Variants in CDH12 observed in about 807,000 individuals in gnomAD.
CDH12 encodes cadherin 12.
CDH12 carries 41 observed loss-of-function variants against 74.1 expected under a neutral mutation model. The observed-to-expected ratio is 0.55, with a 90% CI of 0.43 to 0.72. The LOEUF (loss-of-function observed/expected upper bound fraction) is 0.72, where lower values mean the gene tolerates loss of function less well. Among genes scored for constraint, CDH12 ranks in the 30% least tolerant of loss-of-function variants. The pLI, the probability that CDH12 is intolerant of heterozygous loss-of-function variation, is 0.00. For missense variants in CDH12, 945 were observed against 977.2 expected (o/e 0.97, Z 0.44); for synonymous variants, 399 against 355.0 (o/e 1.12, Z -1.39).
chr5:22,147,402 G>T (rs1354226358), intron 4 of CDH12, among the ~76,000 whole-genome samples: 6 of 152,056 alleles, frequency 3.9e-5, no homozygotes, highest in Admixed American at 3.9e-4. Context: ...GGAGTTGACA[G>T]AAGTCACATT....
chr5:22,612,007 T>C (rs1171687136), intron 1 of CDH12, among the ~76,000 whole-genome samples: 3 of 152,174 alleles, frequency 2.0e-5, no homozygotes, highest in African/African-American at 7.2e-5. Context: ...GAATTCTGAA[T>C]GGAATTCGGG....
chr5:22,251,760 C>G (rs142358620), intron 3 of CDH12, among the ~76,000 whole-genome samples: 52 of 152,130 alleles, frequency 3.4e-4, no homozygotes, highest in African/African-American at 1.1e-3. Flanking sequence ...TGGAATTCCT[C>G]TACAATAGAA....
chr5:22,351,018 T>G (rs915608229), intron 3 of CDH12, among the ~76,000 whole-genome samples: 1 of 152,082 alleles, frequency 6.6e-6, no homozygotes, highest in Non-Finnish European at 1.5e-5. Flanking sequence ...CTGAAGATAA[T>G]GGAATTCAGG....
intron 1 of CDH12, among the ~76,000 whole-genome samples, chr5:22,702,371 T>C (rs920598678): frequency 2.0e-5 from 3 of 152,128 alleles, no homozygotes; most frequent in South Asian, 2.1e-4. Context: ...ATTCTGATAA[T>C]CTCTCACCAA....
chr5:22,543,455 A>C (rs764537605), intron 1 of CDH12, among the ~76,000 whole-genome samples: 8 of 152,128 alleles, frequency 5.3e-5, no homozygotes, highest in Non-Finnish European at 1.2e-4. Context: ...TTAAAATATC[A>C]TTTACTCTAA....
At chr5:21,962,378 C>T (rs1037176206) in intron 6 of CDH12, among the ~76,000 whole-genome samples, 1 of 152,106 alleles carries the variant, frequency 6.6e-6, no homozygotes, top group Non-Finnish European at 1.5e-5. Flanking sequence ...GCCAGTGACT[C>T]TTTCATTGTA....
intron 5 of CDH12, among the ~76,000 whole-genome samples, chr5:22,010,149 A>C (rs1487417954): frequency 6.6e-6 from 1 of 152,112 alleles, no homozygotes; most frequent in African/African-American, 2.4e-5. Context: ...TTGATGAACT[A>C]TTGCTTTACC....
At chr5:22,138,077 G>T (rs2150294263) in intron 4 of CDH12, among the ~76,000 whole-genome samples, 1 of 152,114 alleles carries the variant, frequency 6.6e-6, no homozygotes, top group East Asian at 1.9e-4. Flanking sequence ...TAGAGCTAGA[G>T]CTATTTCACA....
chr5:22,718,107 A>G lies in CDH12; in HGVS notation c.-523+134951T>C, dbSNP rs148155566. ...TATTAAATACACATTCATTGTGAAA[A>G]TTACTCAAATTCATCAAATGCTCAA... On this transcript the variant is annotated intron_variant, in intron 1 of 14. Transcript: ENST00000382254. Among the ~76,000 whole-genome samples, 30 of 152,366 alleles carry G rather than the reference A, an allele frequency of 2.0e-4. 1 individual carries two copies. In the East Asian group the frequency reaches 5.6e-3, roughly 28 times the overall value.
chr5:22,360,343 A>C (rs1740746334), intron 3 of CDH12, among the ~76,000 whole-genome samples: 1 of 152,194 alleles, frequency 6.6e-6, no homozygotes, highest in Non-Finnish European at 1.5e-5. Flanking sequence ...GAAATGGATA[A>C]ATTCCTCCAC....
Position 22,508,069 on chromosome 5 carries a change from G to A in CDH12, c.-522-2705C>T, listed in dbSNP as rs188622170. ...ATTTGGGCCTATTCAGCTAATACAG[G>A]ATAATCTCCTCGTTTTAAGATCCTT... On this transcript the variant is annotated intron_variant, in intron 1 of 14. Coordinates refer to ENST00000382254, the MANE Select transcript of CDH12 (RefSeq NM_004061.5). 2.6e-5 allele frequency among the ~76,000 whole-genome samples: 4 copies of A among 152,266 alleles called. No individual in the cohort carries two copies. The East Asian group carries it at 5.8e-4, about 22-fold the overall frequency.
chr5:22,273,873 A>G (rs1347104714), intron 3 of CDH12, among the ~76,000 whole-genome samples: 1 of 152,164 alleles, frequency 6.6e-6, no homozygotes, highest in African/African-American at 2.4e-5. Flanking sequence ...AAATCTATAG[A>G]GAAGCATTCT....
intron 3 of CDH12, among the ~76,000 whole-genome samples, chr5:22,328,085 A>G (rs996251161): frequency 8.5e-5 from 13 of 152,216 alleles, no homozygotes; most frequent in Admixed American, 7.2e-4. Context: ...CAGAAAAAAG[A>G]GAAAAAACTT....
At chr5:21,919,758 T>A (rs1397886436) in intron 6 of CDH12, among the ~76,000 whole-genome samples, 1 of 152,176 alleles carries the variant, frequency 6.6e-6, no homozygotes, top group African/African-American at 2.4e-5. Context: ...AAAAAATTAA[T>A]TAATATTGTA....
chr5:21,946,708 A>T (rs1313099772), intron 6 of CDH12, among the ~76,000 whole-genome samples: 2 of 152,224 alleles, frequency 1.3e-5, no homozygotes, highest in Non-Finnish European at 2.9e-5. Context: ...GATGAATATT[A>T]CCTAGTGACA....
chr5:22,469,539 C>CTT (rs10690633), intron 2 of CDH12, among the ~76,000 whole-genome samples: 64,860 of 151,614 alleles, frequency 0.43, 14,313 homozygotes, highest in Admixed American at 0.61. Context: ...ACTCCAGTGA[C>CTT]TATTTTAACT....
intron 10 of CDH12, among the ~76,000 whole-genome samples, chr5:21,799,877 A>AC (rs1388953505): frequency 6.6e-6 from 1 of 152,148 alleles, no homozygotes; most frequent in Non-Finnish European, 1.5e-5. Flanking sequence ...ACTGCAGAGA[A>AC]CCACAGCATG....
intron 1 of CDH12, among the ~76,000 whole-genome samples, chr5:22,534,819 T>C (rs1389149336): frequency 6.6e-6 from 1 of 151,772 alleles, no homozygotes; most frequent in East Asian, 1.9e-4. Context: ...TTAGAAAACA[T>C]TAGATAGTTC....
At chr5:22,840,736 C>T (rs539042197) in intron 1 of CDH12, among the ~76,000 whole-genome samples, 13 of 152,026 alleles carry the variant, frequency 8.6e-5, no homozygotes, top group Admixed American at 7.9e-4. Flanking sequence ...AAAATAAAAA[C>T]GTAGACCAGG....
Sources: allele counts gnomAD v4.1 joint callset (sites outside exome capture counted in the v4.1 genomes callset), GRCh38; gene constraint gnomAD v4.1.1; transcripts MANE v1.5; gene names NCBI Gene and HGNC (gene_info 2026-07-23, HGNC 2026-07-21).